Variants in DNAH5 observed in about 807,000 individuals in gnomAD.
DNAH5 encodes the protein dynein axonemal heavy chain 5, also known as axonemal beta dynein heavy chain 5.
A neutral mutation model predicts 518.2 loss-of-function variants in DNAH5; 372 were observed. The ratio of observed to expected loss-of-function variants is 0.72; its 90% CI spans 0.66 to 0.78. DNAH5 has a LOEUF of 0.78. Ranked by LOEUF, DNAH5 falls within the 30% of genes least tolerant of loss-of-function variation. The pLI, the probability that DNAH5 is intolerant of heterozygous loss-of-function variation, is 0.00. For synonymous variants in DNAH5, 2,039 were observed against 2,025.9 expected (o/e 1.01, Z -0.17); for missense variants, 5,523 against 5,687.0 (o/e 0.97, Z 0.93).
chr5:13,783,043 G>C (rs963323102), intron 52 of DNAH5, among the ~76,000 whole-genome samples: 1 of 152,184 alleles, frequency 6.6e-6, no homozygotes, highest in Non-Finnish European at 1.5e-5. Flanking sequence ...ATGGCAACCA[G>C]AGAAAAGAAT....
intron 78 of DNAH5, among the ~76,000 whole-genome samples, chr5:13,699,295 C>A (rs887097844): frequency 6.6e-6 from 1 of 152,146 alleles, no homozygotes; most frequent in Non-Finnish European, 1.5e-5. Context: ...TTACTTACTA[C>A]GGGTCTCCTT....
At chr5:13,912,232 A>C (rs531624280) in intron 11 of DNAH5, among the ~76,000 whole-genome samples, 6 of 152,254 alleles carry the variant, frequency 3.9e-5, no homozygotes, top group Admixed American at 3.9e-4. Context: ...TTTTATGAAG[A>C]ATATTGGGCC....
intron 35 of DNAH5, among the ~76,000 whole-genome samples, chr5:13,835,348 G>A (rs367915461): frequency 1.2e-4 from 18 of 152,062 alleles, no homozygotes; most frequent in East Asian, 7.7e-4. Context: ...AGGAGTCCTC[G>A]GTAAGGTTTG....
At position 13,811,837 on chromosome 5, in the gene DNAH5, G is replaced by T. The variant is rs758781434; in HGVS notation, c.7231-14C>A. Reference sequence around the variant, plus strand: ...CTTAAGAAAACCCTGTCAGTTCACAGACAAGTGTATTCATGAAACTTATTA... The same window carrying T: ...CTTAAGAAAACCCTGTCAGTTCACATACAAGTGTATTCATGAAACTTATTA... On this transcript the variant is annotated splice_polypyrimidine_tract_variant and intron_variant, in intron 43 of 78. Coordinates refer to ENST00000265104, the MANE Select transcript of DNAH5 (RefSeq NM_001369.3). 2 of 1,613,750 alleles carry T rather than the reference G, an allele frequency of 1.2e-6. No individual in the cohort carries two copies. Among genetic ancestry groups the T allele is most frequent in the Non-Finnish European group, 1.7e-6 (2 of 1,179,926 alleles).
At chr5:13,834,850 T>C (rs1356002038) in intron 35 of DNAH5, among the ~76,000 whole-genome samples, 1 of 152,188 alleles carries the variant, frequency 6.6e-6, no homozygotes, top group African/African-American at 2.4e-5. Context: ...CGTGAGGACG[T>C]TGGCTTTTAC....
At chr5:14,004,687 A>G (rs928355738) in intron 1 of DNAH5, among the ~76,000 whole-genome samples, 4 of 152,202 alleles carry the variant, frequency 2.6e-5, no homozygotes, top group Non-Finnish European at 5.9e-5. Context: ...AGGAAACTGC[A>G]CATGTATGTA....
intron 68 of DNAH5, among the ~76,000 whole-genome samples, chr5:13,734,162 T>A (rs889220942): frequency 1.3e-5 from 2 of 152,172 alleles, no homozygotes; most frequent in African/African-American, 4.8e-5. Context: ...GCTTGCTTCC[T>A]CTTCTCTGCT....
intron 21 of DNAH5, among the ~76,000 whole-genome samples, chr5:13,880,851 G>A (rs1430019436): frequency 2.6e-5 from 4 of 151,896 alleles, no homozygotes; most frequent in African/African-American, 4.8e-5. Flanking sequence ...AAATGTAAAT[G>A]TATTAAATAC....
At chr5:13,991,441 G>A (rs1783534027) in intron 1 of DNAH5, among the ~76,000 whole-genome samples, 1 of 150,626 alleles carries the variant, frequency 6.6e-6, no homozygotes, top group South Asian at 2.1e-4. Flanking sequence ...CAGACCCAAG[G>A]AGCCAAGGGT....
chr5:13,842,445 A>AAGAGAGAGAGAGAGAGAGAGAGAG (rs1765360070), intron 32 of DNAH5, among the ~76,000 whole-genome samples: 3 of 97,868 alleles, frequency 3.1e-5, no homozygotes, highest in African/African-American at 1.4e-4. Flanking sequence ...GAAAGAAAGA[A>AAGAGAGAGAGAGAGAGAGAGAGAG]AGAAAGAAAG....
intron 72 of DNAH5, among the ~76,000 whole-genome samples, chr5:13,717,988 T>C (rs1029106630): frequency 1.3e-5 from 2 of 152,116 alleles, no homozygotes; most frequent in African/African-American, 2.4e-5. Flanking sequence ...TTGATACATA[T>C]GCATATACTA....
chr5:13,981,988 G>C (rs573596818), intron 1 of DNAH5, among the ~76,000 whole-genome samples: 1 of 152,266 alleles, frequency 6.6e-6, no homozygotes, highest in East Asian at 1.9e-4. Flanking sequence ...TAAACCAATA[G>C]GCTATAGACA....
intron 3 of DNAH5, among the ~76,000 whole-genome samples, chr5:13,926,560 G>T (rs370313048): frequency 6.6e-6 from 1 of 152,278 alleles, no homozygotes; most frequent in Non-Finnish European, 1.5e-5. Flanking sequence ...AGAATATTTC[G>T]CTTTCCATCA....
chr5:13,928,407 T>C (rs1348276286), intron 2 of DNAH5, among the ~76,000 whole-genome samples: 1 of 152,228 alleles, frequency 6.6e-6, no homozygotes, highest in Non-Finnish European at 1.5e-5. Context: ...ATAGAAATAT[T>C]TGCTACTTAT....
At chr5:13,767,952 C>T (rs1752736988) in intron 58 of DNAH5, among the ~76,000 whole-genome samples, 1 of 152,146 alleles carries the variant, frequency 6.6e-6, no homozygotes, top group Admixed American at 6.5e-5. Flanking sequence ...ATTTATGTAA[C>T]CTGATGTCAA....
At chr5:13,989,743 A>T (rs563626787) in intron 1 of DNAH5, among the ~76,000 whole-genome samples, 3 of 152,208 alleles carry the variant, frequency 2.0e-5, no homozygotes, top group South Asian at 4.2e-4. Flanking sequence ...TCGGCCTCCC[A>T]AAGTGCTCGG....
At chr5:13,792,299 T>C in intron 49 of DNAH5, 82 bp from the exon 50 acceptor site, 1 of 1,161,734 alleles carries the variant, frequency 8.6e-7, no homozygotes, top group Non-Finnish European at 1.3e-6. Context: ...GCATAGGGTT[T>C]GCAAAAATGT....
intron 16 of DNAH5, 137 bp from the exon 17 acceptor site, chr5:13,891,258 C>T (rs145525860): frequency 1.6e-5 from 14 of 848,718 alleles, no homozygotes; most frequent in African/African-American, 1.2e-4. Context: ...CAGATCCCCA[C>T]TGATTCACAC....
At chr5:13,723,035 T>C (rs1378045566) in intron 70 of DNAH5, among the ~76,000 whole-genome samples, 1 of 152,202 alleles carries the variant, frequency 6.6e-6, no homozygotes, top group African/African-American at 2.4e-5. Context: ...CTTCTGACCT[T>C]CCTCTCTATT....
Sources: gnomAD v4.1 joint callset for allele counts (sites outside exome capture counted in the v4.1 genomes callset) on GRCh38, gnomAD v4.1.1 for gene constraint, MANE v1.5 for transcripts, NCBI Gene and HGNC (gene_info 2026-07-23, HGNC 2026-07-21) for gene names.